WWOX: variants seen among roughly 807,000 people sequenced by gnomAD.
WWOX encodes the protein WW domain-containing oxidoreductase.
In WWOX, 69 loss-of-function variants were observed where a neutral mutation model predicts 46.2. The observed-to-expected ratio is 1.49, with a 90% confidence interval of 1.23 to 1.82. The LOEUF is 1.82. Among genes scored for constraint, WWOX ranks in the 40% most tolerant of loss-of-function variants. The pLI is 0.00. For synonymous variants in WWOX, 359 were observed against 202.6 expected (o/e 1.77, Z -6.56); for missense variants, 919 against 542.6 (o/e 1.69, Z -6.89).
At chr16:78,549,855 G>T (rs1356893901) in intron 8 of WWOX, among the ~76,000 whole-genome samples, 1 of 152,022 alleles carries the variant, frequency 6.6e-6, no homozygotes, top group East Asian at 1.9e-4. Flanking sequence ...AACCCCATCA[G>T]AATTGGGGAA....
intron 8 of WWOX, among the ~76,000 whole-genome samples, chr16:78,672,487 G>C (rs1374039994): frequency 6.6e-6 from 1 of 152,168 alleles, no homozygotes; most frequent in Non-Finnish European, 1.5e-5. Flanking sequence ...GATCATTCAG[G>C]CATGCACAGG....
intron 8 of WWOX, among the ~76,000 whole-genome samples, chr16:78,533,496 G>C (rs1000735528): frequency 5.3e-5 from 8 of 152,038 alleles, no homozygotes; most frequent in Middle Eastern, 3.2e-3. Flanking sequence ...AAGTTGTCCT[G>C]GGCCGCATGT....
chr16:78,871,978 C>T (rs987097705), intron 8 of WWOX, among the ~76,000 whole-genome samples: 3 of 152,138 alleles, frequency 2.0e-5, no homozygotes, highest in Non-Finnish European at 4.4e-5. Flanking sequence ...TGTGGCCTTG[C>T]AGACCCTCTC....
At chr16:78,536,800 T>C (rs2043769400) in intron 8 of WWOX, among the ~76,000 whole-genome samples, 1 of 152,258 alleles carries the variant, frequency 6.6e-6, no homozygotes, top group South Asian at 2.1e-4. Context: ...TATTTCTCTT[T>C]TTTAATTTCC....
chr16:78,740,448 C>T (rs966001450), intron 8 of WWOX, among the ~76,000 whole-genome samples: 5 of 152,086 alleles, frequency 3.3e-5, no homozygotes, highest in Admixed American at 2.6e-4. Flanking sequence ...CGGCTGGCTG[C>T]GGAAGGGAGG....
At chr16:78,415,697 A>C (rs931674087) in intron 6 of WWOX, among the ~76,000 whole-genome samples, 1 of 152,150 alleles carries the variant, frequency 6.6e-6, no homozygotes, top group Non-Finnish European at 1.5e-5. Flanking sequence ...TGAGGGGTTA[A>C]AAAAGGGAAG....
At chr16:78,977,275 C>T (rs71398119) in intron 8 of WWOX, among the ~76,000 whole-genome samples, 1,638 of 152,276 alleles carry the variant, frequency 0.011, 16 homozygotes, top group Non-Finnish European at 0.018. Context: ...CAGAGAGGTT[C>T]GAGCTCTTAA....
chr16:78,540,298 G>A (rs1449699578), intron 8 of WWOX, among the ~76,000 whole-genome samples: 1 of 151,948 alleles, frequency 6.6e-6, no homozygotes, highest in Non-Finnish European at 1.5e-5. Context: ...ATTGTGCAGG[G>A]TTATCATGTA....
At chr16:78,401,053 C>G (rs1189076796) in intron 6 of WWOX, among the ~76,000 whole-genome samples, 2 of 152,196 alleles carry the variant, frequency 1.3e-5, no homozygotes, top group African/African-American at 2.4e-5. Context: ...CTTCTGGAAT[C>G]AAGTGATCCT....
chr16:78,574,486 G>A (rs77483356), intron 8 of WWOX, among the ~76,000 whole-genome samples: 2,224 of 152,080 alleles, frequency 0.015, 20 homozygotes, highest in Non-Finnish European at 0.023. Context: ...TAAAGTTGTC[G>A]GTGGTTGCTT....
intron 8 of WWOX, among the ~76,000 whole-genome samples, chr16:78,971,829 C>G (rs924252368): frequency 5.9e-5 from 9 of 151,476 alleles, no homozygotes; most frequent in African/African-American, 1.9e-4. Flanking sequence ...AAAGAGAACA[C>G]TAACAAGAGA....
intron 5 of WWOX, among the ~76,000 whole-genome samples, chr16:78,350,298 C>G (rs763120664): frequency 8.2e-6 from 1 of 121,592 alleles, no homozygotes; most frequent in East Asian, 1.9e-4. Context: ...ATATATAACA[C>G]AGATACATAA....
intron 4 of WWOX, among the ~76,000 whole-genome samples, chr16:78,162,481 A>ATG (rs1054266311): frequency 2.0e-5 from 3 of 151,984 alleles, no homozygotes; most frequent in Non-Finnish European, 4.4e-5. Context: ...AAATATATAT[A>ATG]TATATACAAA....
chr16:78,919,198 C>G lies in WWOX; in HGVS notation c.1057-292410C>G, dbSNP rs1245229890. 2.6e-5 allele frequency among the ~76,000 whole-genome samples: 4 copies of G among 152,068 alleles called. No homozygotes were observed. The East Asian group carries it at 7.7e-4, about 29-fold the overall frequency. ...ACATGCATGGGCTCTGTGCTATTCT[C>G]TTATGTGTATTCATTTATTTAATTC... On this transcript the variant is annotated intron_variant, in intron 8 of 8. Transcript: ENST00000566780.
chr16:78,658,242 C>T (rs1336888670), intron 8 of WWOX, among the ~76,000 whole-genome samples: 1 of 152,124 alleles, frequency 6.6e-6, no homozygotes, highest in Non-Finnish European at 1.5e-5. Flanking sequence ...AGTTTTGGTT[C>T]TTTCCATGAG....
intron 8 of WWOX, among the ~76,000 whole-genome samples, chr16:78,703,017 C>T (rs1000910934): frequency 6.6e-6 from 1 of 152,106 alleles, no homozygotes; most frequent in Non-Finnish European, 1.5e-5. Flanking sequence ...GAAAATTGAT[C>T]TAAAAAGTAA....
intron 8 of WWOX, among the ~76,000 whole-genome samples, chr16:79,063,688 G>A (rs1289387350): frequency 6.6e-6 from 1 of 152,160 alleles, no homozygotes; most frequent in Non-Finnish European, 1.5e-5. Flanking sequence ...TGACGTGCCA[G>A]CACCTCAAGA....
intron 8 of WWOX, among the ~76,000 whole-genome samples, chr16:79,163,653 C>G (rs2050531120): frequency 6.6e-6 from 1 of 152,018 alleles, no homozygotes; most frequent in African/African-American, 2.4e-5. Context: ...ACAAAATTAG[C>G]CTGGCATAGT....
intron 8 of WWOX, among the ~76,000 whole-genome samples, chr16:78,466,343 T>G (rs570022664): frequency 6.6e-6 from 1 of 152,050 alleles, no homozygotes; most frequent in African/African-American, 2.4e-5. Flanking sequence ...TGGGTACAAG[T>G]TTCCTTTGGG....
Sources: gnomAD v4.1 joint callset for allele counts (sites outside exome capture counted in the v4.1 genomes callset) on GRCh38, gnomAD v4.1.1 for gene constraint, MANE v1.5 for transcripts, NCBI Gene and HGNC (gene_info 2026-07-23, HGNC 2026-07-21) for gene names.